Variants in TBC1D22A observed in about 807,000 individuals in gnomAD.
TBC1D22A encodes the protein putative GTPase activator.
A neutral mutation model predicts 60.2 loss-of-function variants in TBC1D22A; 38 were observed. The ratio of observed to expected loss-of-function variants is 0.63; its 90% CI spans 0.49 to 0.83. TBC1D22A has a LOEUF of 0.83. Among genes scored for constraint, TBC1D22A ranks in the 40% least tolerant of loss-of-function variants. TBC1D22A has a pLI of 0.00. For missense variants in TBC1D22A, 628 were observed against 701.0 expected (o/e 0.90, Z 1.18); for synonymous variants, 302 against 281.7 (o/e 1.07, Z -0.72).
At chr22:46,941,692 GC>G (rs1403273880) in intron 8 of TBC1D22A, among the ~76,000 whole-genome samples, 1 of 59,610 alleles carries the variant, frequency 1.7e-5, no homozygotes, top group African/African-American at 1.0e-4. Flanking sequence ...ATATATATAC[GC>G]GGATTATATA....
intron 4 of TBC1D22A, among the ~76,000 whole-genome samples, chr22:46,811,747 C>T (rs1279332958): frequency 6.6e-6 from 1 of 152,124 alleles, no homozygotes; most frequent in Non-Finnish European, 1.5e-5. Context: ...TGTCGCCCTG[C>T]AGGACTGATA....
At chr22:46,940,971 AT>A (rs1312434901) in intron 8 of TBC1D22A, among the ~76,000 whole-genome samples, 4 of 143,260 alleles carry the variant, frequency 2.8e-5, no homozygotes, top group African/African-American at 1.1e-4. Context: ...ACTAGAATAT[AT>A]ATATATATGT....
Position 47,007,907 on chromosome 22 carries a change from G to A in TBC1D22A, c.1201+10198G>A, listed in dbSNP as rs144102257. Among the ~76,000 whole-genome samples, 6 of 152,334 alleles carry A rather than the reference G, an allele frequency of 3.9e-5. No individual in the cohort carries two copies. The East Asian group carries it at 1.2e-3, about 29-fold the overall frequency. On this transcript the variant is annotated intron_variant, in intron 10 of 12. Coordinates refer to ENST00000337137, the MANE Select transcript of TBC1D22A (RefSeq NM_014346.5). Reference sequence around the variant, plus strand: ...TTGGGGAAACACTAACATTCAGCTTGGAAGTGTGGGGTTTAGACCAAGATA... The same window carrying A: ...TTGGGGAAACACTAACATTCAGCTTAGAAGTGTGGGGTTTAGACCAAGATA...
At chr22:47,007,147 A>G (rs2061619381) in intron 10 of TBC1D22A, among the ~76,000 whole-genome samples, 1 of 152,064 alleles carries the variant, frequency 6.6e-6, no homozygotes, top group Non-Finnish European at 1.5e-5. Flanking sequence ...TGTCACATTG[A>G]CCTCGACCCA....
At chr22:47,014,219 C>T (rs1602998695) in intron 10 of TBC1D22A, among the ~76,000 whole-genome samples, 2 of 152,192 alleles carry the variant, frequency 1.3e-5, no homozygotes, top group Non-Finnish European at 2.9e-5. Flanking sequence ...TTCTCAGGCC[C>T]CTGTGAGGAC....
intron 11 of TBC1D22A, among the ~76,000 whole-genome samples, chr22:47,097,580 C>T (rs1788102160): frequency 6.6e-6 from 1 of 151,540 alleles, no homozygotes; most frequent in Non-Finnish European, 1.5e-5. Context: ...CACTGCACTC[C>T]AGCCTGGGCG....
chr22:46,941,293 A>G (rs906636497), intron 8 of TBC1D22A, among the ~76,000 whole-genome samples: 8 of 149,950 alleles, frequency 5.3e-5, no homozygotes, highest in African/African-American at 9.8e-5. Context: ...ATATGTATAT[A>G]CACAGTCTAC....
chr22:46,930,129 G>A (rs1170765783), intron 8 of TBC1D22A, among the ~76,000 whole-genome samples: 1 of 152,192 alleles, frequency 6.6e-6, no homozygotes, highest in African/African-American at 2.4e-5. Context: ...CCTTGAGCCT[G>A]TCTTTGGGAC....
intron 8 of TBC1D22A, among the ~76,000 whole-genome samples, chr22:46,912,763 G>A (rs552194449): frequency 1.3e-5 from 2 of 152,242 alleles, no homozygotes; most frequent in Admixed American, 1.3e-4. Context: ...CACCATGTTG[G>A]CCAGGGTGGT....
At chr22:47,045,791 C>T (rs1307201036) in intron 11 of TBC1D22A, among the ~76,000 whole-genome samples, 1 of 152,158 alleles carries the variant, frequency 6.6e-6, no homozygotes, top group Non-Finnish European at 1.5e-5. Flanking sequence ...GGACCAGTTA[C>T]TGCTGTTCAC....
At chr22:46,779,792 T>C (rs1013696769) in intron 1 of TBC1D22A, among the ~76,000 whole-genome samples, 1 of 152,166 alleles carries the variant, frequency 6.6e-6, no homozygotes, top group African/African-American at 2.4e-5. Context: ...AGCAGGGAGT[T>C]TGTGGTCCAG....
intron 4 of TBC1D22A, among the ~76,000 whole-genome samples, chr22:46,829,131 A>G (rs1194757431): frequency 6.6e-6 from 1 of 152,218 alleles, no homozygotes; most frequent in Non-Finnish European, 1.5e-5. Context: ...TGTCGGATCA[A>G]ATAGCACCTC....
chr22:47,159,558 A>T (rs1420473494), intron 12 of TBC1D22A, among the ~76,000 whole-genome samples: 2 of 148,658 alleles, frequency 1.3e-5, no homozygotes, highest in African/African-American at 2.5e-5. Context: ...CTCACATTAC[A>T]CACACACTAC....
intron 1 of TBC1D22A, among the ~76,000 whole-genome samples, chr22:46,768,420 G>T (rs896998620): frequency 8.0e-5 from 12 of 150,494 alleles, no homozygotes; most frequent in Admixed American, 6.6e-5. Context: ...AGGAGGCAGA[G>T]GTTGCAGTGA....
chr22:46,782,160 T>G (rs369106015), intron 1 of TBC1D22A, among the ~76,000 whole-genome samples: 71 of 152,350 alleles, frequency 4.7e-4, no homozygotes, highest in African/African-American at 1.6e-3. Flanking sequence ...GTTCAAGTGA[T>G]TCTTCTGCCT....
intron 8 of TBC1D22A, among the ~76,000 whole-genome samples, chr22:46,917,825 T>G (rs1252783211): frequency 6.6e-6 from 1 of 152,126 alleles, no homozygotes; most frequent in African/African-American, 2.4e-5. Context: ...TGTCTGTGAC[T>G]CGAGGAGCTG....
At chr22:47,060,193 T>C (rs2063520286) in intron 11 of TBC1D22A, among the ~76,000 whole-genome samples, 1 of 151,924 alleles carries the variant, frequency 6.6e-6, no homozygotes. Flanking sequence ...AGCAGGCAGA[T>C]CAGGCCTCCC....
intron 4 of TBC1D22A, among the ~76,000 whole-genome samples, chr22:46,821,473 G>T (rs1469950492): frequency 1.3e-5 from 2 of 152,130 alleles, no homozygotes; most frequent in Non-Finnish European, 2.9e-5. Context: ...GCATTTGCTT[G>T]TGTGGAAAGG....
intron 7 of TBC1D22A, among the ~76,000 whole-genome samples, chr22:46,906,750 CTG>C (rs141704663): frequency 1.3e-5 from 2 of 151,796 alleles, no homozygotes; most frequent in African/African-American, 4.9e-5. Context: ...TGGCCCGTGG[CTG>C]TGTGTGTGTC....
Sources: gnomAD v4.1 joint callset for allele counts (sites outside exome capture counted in the v4.1 genomes callset) on GRCh38, gnomAD v4.1.1 for gene constraint, MANE v1.5 for transcripts, NCBI Gene and HGNC (gene_info 2026-07-23, HGNC 2026-07-21) for gene names.